METTL15: variants seen among roughly 807,000 people sequenced by gnomAD.
The protein encoded by METTL15 is 12S rRNA N(4)-cytidine methyltransferase METTL15.
Under a neutral mutation model 38.3 loss-of-function variants are expected in METTL15, and 34 were observed. The ratio of observed to expected loss-of-function variants is 0.89; its 90% CI spans 0.68 to 1.18. METTL15 has a LOEUF of 1.18. METTL15 is among the 50% of genes most tolerant of loss of function. The pLI, the probability that METTL15 is intolerant of heterozygous loss-of-function variation, is 0.00. For synonymous variants in METTL15, 162 were observed against 170.9 expected, an observed-to-expected ratio of 0.95 and a Z score of 0.41; for missense variants, 438 against 498.4, an observed-to-expected ratio of 0.88 and a Z score of 1.15.
intron 4 of METTL15, among the ~76,000 whole-genome samples, chr11:28,233,534 C>T (rs1399736691): frequency 6.6e-6 from 1 of 151,916 alleles, no homozygotes; most frequent in Non-Finnish European, 1.5e-5. Flanking sequence ...CCTCTTAACT[C>T]TCTATTGTTG....
At chr11:28,466,152 C>T (rs945709661) in intron 6 of METTL15, among the ~76,000 whole-genome samples, 1 of 151,038 alleles carries the variant, frequency 6.6e-6, no homozygotes, top group African/African-American at 2.4e-5. Context: ...TGGCCAAACG[C>T]CATTTTGGGT....
chr11:28,290,334 C>T lies in METTL15; in HGVS notation c.536C>T (p.Thr179Ile). Residue 179 changes from threonine to isoleucine, a missense_variant, in exon 5 of 7, where the codon ACT becomes ATT. Coordinates refer to ENST00000407364, the MANE Select transcript of METTL15 (RefSeq NM_001113528.2). ...DLGCSSMQLDTPERGFSLRKD... is the reference protein window; with the variant it reads ...DLGCSSMQLDIPERGFSLRKD... ...GGGTGTTCCTCCATGCAACTTGATA[C>T]TCCTGAAAGAGGTTTTTCCCTTCGG... 1 of 1,613,516 alleles carries T rather than the reference C, an allele frequency of 6.2e-7. No homozygotes were observed. Among genetic ancestry groups the T allele is most frequent in the Non-Finnish European group, 8.5e-7 (1 of 1,179,654 alleles).
In METTL15 at chr11:28,291,223, T is replaced by G. The variant is rs995695293; in HGVS notation, c.599+826T>G. Among the ~76,000 whole-genome samples, 4 of 152,098 alleles carry G rather than the reference T, an allele frequency of 2.6e-5. No homozygotes were observed. In the South Asian group the frequency reaches 8.3e-4, roughly 32 times the overall value. On this transcript the variant is annotated intron_variant, in intron 5 of 6. Transcript: ENST00000407364. ...CAGCATGCCCGGCTAATTATTTTTG[T>G]ATTAGTAGAGACGGAGTTTCACATG...
At chr11:28,319,180 T>C (rs1171877712) in intron 6 of METTL15, among the ~76,000 whole-genome samples, 1 of 152,144 alleles carries the variant, frequency 6.6e-6, no homozygotes, top group African/African-American at 2.4e-5. Flanking sequence ...AGTAAAAGCC[T>C]ATTCAGGTTT....
chr11:28,235,810 C>T (rs900810494), intron 4 of METTL15, among the ~76,000 whole-genome samples: 2 of 152,182 alleles, frequency 1.3e-5, no homozygotes, highest in Admixed American at 6.5e-5. Context: ...CCTTCTCCTG[C>T]CTCATTGCCC....
intron 4 of METTL15, among the ~76,000 whole-genome samples, chr11:28,258,770 G>A (rs1855076899): frequency 1.3e-5 from 2 of 152,102 alleles, no homozygotes; most frequent in South Asian, 2.1e-4. Flanking sequence ...ACCCTTGAGG[G>A]CAGTGGACTC....
intron 6 of METTL15, among the ~76,000 whole-genome samples, chr11:28,508,011 T>C (rs1040855894): frequency 1.3e-5 from 2 of 152,236 alleles, no homozygotes; most frequent in African/African-American, 4.8e-5. Context: ...ATCCTCATCA[T>C]GTCCCCTAAA....
intron 3 of METTL15, among the ~76,000 whole-genome samples, chr11:28,155,825 A>G (rs550292787): frequency 7.2e-5 from 11 of 152,326 alleles, no homozygotes; most frequent in Middle Eastern, 3.4e-3. Flanking sequence ...ATTCTTAGTA[A>G]GCATTAAATA....
At chr11:28,205,587 A>G (rs1332879074) in intron 3 of METTL15, among the ~76,000 whole-genome samples, 1 of 152,098 alleles carries the variant, frequency 6.6e-6, no homozygotes, top group African/African-American at 2.4e-5. Flanking sequence ...GTGTCTTTAT[A>G]GCAGCATGAT....
chr11:28,446,090 G>A (rs369634481), intron 6 of METTL15, among the ~76,000 whole-genome samples: 1 of 152,100 alleles, frequency 6.6e-6, no homozygotes, highest in Non-Finnish European at 1.5e-5. Flanking sequence ...AAGAATTCTC[G>A]ATATAGCAGG....
rs1297491118 is a variant in METTL15, at chr11:28,347,365, G to A, written c.*190-4725G>A. On this transcript the variant is annotated intron_variant and NMD_transcript_variant, in intron 3 of 7. Coordinates refer to the METTL15 transcript ENST00000532947. The stretch of plus-strand genomic sequence containing the variant: ...TGAAGGATTCATGAATGGTTTTGCT[G>A]AACATACGACCCAACCATCTTTACC... Among the ~76,000 whole-genome samples, 4 of 152,154 alleles carry A rather than the reference G, an allele frequency of 2.6e-5. No individual in the cohort carries two copies. The East Asian group carries it at 7.7e-4, about 29-fold the overall frequency.
chr11:28,306,757 A>G (rs928568084), intron 6 of METTL15, among the ~76,000 whole-genome samples: 15 of 152,036 alleles, frequency 9.9e-5, no homozygotes, highest in Admixed American at 1.3e-4. Flanking sequence ...CCCAATTTTA[A>G]TGGATTGACA....
chr11:28,194,095 C>G (rs2133807321), intron 3 of METTL15, among the ~76,000 whole-genome samples: 1 of 136,596 alleles, frequency 7.3e-6, no homozygotes, highest in South Asian at 2.4e-4. Context: ...TGCCCTCTTT[C>G]AAGGACTTTA....
intron 6 of METTL15, among the ~76,000 whole-genome samples, chr11:28,429,505 T>C (rs1850895039): frequency 7.5e-6 from 1 of 132,910 alleles, no homozygotes; most frequent in African/African-American, 2.9e-5. Flanking sequence ...GTGCCTGCGA[T>C]TGCAGGCACG....
rs569765961 is a variant in METTL15 at position 28,237,925 on chromosome 11, G to A, written c.407+26727G>A. On this transcript the variant is annotated intron_variant, in intron 4 of 6. Coordinates refer to ENST00000407364, the MANE Select transcript of METTL15 (RefSeq NM_001113528.2). ...GGTGGCTGCAGAACCGCGGATTTTC[G>A]TGATCCGCAAATGCTGCTGTCTGAT... Among the ~76,000 whole-genome samples, 18 of 152,228 alleles carry A rather than the reference G, an allele frequency of 1.2e-4. No homozygotes were observed. The East Asian group carries it at 2.1e-3, about 18-fold the overall frequency.
At chr11:28,412,566 A>G (rs1431334148) in intron 5 of METTL15, among the ~76,000 whole-genome samples, 2 of 152,068 alleles carry the variant, frequency 1.3e-5, no homozygotes, top group African/African-American at 4.8e-5. Context: ...AGCCTTAAAA[A>G]GAGATTCTGA....
chr11:28,420,503 A>T (rs1219227454), intron 5 of METTL15, among the ~76,000 whole-genome samples: 4 of 152,142 alleles, frequency 2.6e-5, no homozygotes, highest in African/African-American at 9.7e-5. Context: ...CAAAAATGTT[A>T]AAATAATATT....
At chr11:28,423,240 G>A (rs912758877) in intron 5 of METTL15, among the ~76,000 whole-genome samples, 1 of 151,974 alleles carries the variant, frequency 6.6e-6, no homozygotes, top group African/African-American at 2.4e-5. Flanking sequence ...CTTATACACT[G>A]TTGTTGAAAT....
chr11:28,181,610 G>C (rs1851292227), intron 3 of METTL15, among the ~76,000 whole-genome samples: 1 of 151,972 alleles, frequency 6.6e-6, no homozygotes, highest in African/African-American at 2.4e-5. Context: ...AGGCTGCATA[G>C]TATTCCATGG....
Sources: gnomAD v4.1 joint callset for allele counts (sites outside exome capture counted in the v4.1 genomes callset) on GRCh38, gnomAD v4.1.1 for gene constraint, MANE v1.5 for transcripts, NCBI Gene and HGNC (gene_info 2026-07-23, HGNC 2026-07-21) for gene names.